Variants in ATG10 observed in about 807,000 individuals in gnomAD.
ATG10 encodes the protein autophagy related 10.
In ATG10, 30 loss-of-function variants were observed where a neutral mutation model predicts 32.1. That is an observed-to-expected ratio of 0.94 (90% CI 0.70 to 1.27). ATG10 has a LOEUF of 1.27. ATG10 is among the 50% of genes most tolerant of loss of function. The probability of loss-of-function intolerance (pLI) is 0.00; values close to 1 mark genes in which losing one functional copy is unlikely to be tolerated. For synonymous variants in ATG10, 87 were observed against 91.5 expected (o/e 0.95, Z 0.28); for missense variants, 233 against 262.3 (o/e 0.89, Z 0.77).
chr5:82,191,368 G>T (rs1369697671), intron 5 of ATG10, among the ~76,000 whole-genome samples: 2 of 152,226 alleles, frequency 1.3e-5, no homozygotes, highest in Non-Finnish European at 2.9e-5. Context: ...GTACCTGCCA[G>T]CAGGGCTGGG....
chr5:82,072,626 T>C (rs1254820021), intron 3 of ATG10, among the ~76,000 whole-genome samples: 1 of 152,162 alleles, frequency 6.6e-6, no homozygotes, highest in Non-Finnish European at 1.5e-5. Context: ...ATTCAGAATA[T>C]ACATACATGC....
intron 2 of ATG10, among the ~76,000 whole-genome samples, chr5:82,008,744 G>C (rs561389306): frequency 6.6e-6 from 1 of 152,264 alleles, no homozygotes; most frequent in Non-Finnish European, 1.5e-5. Context: ...TTTGGGTTCA[G>C]ATGGAATGGA....
At chr5:82,009,768 C>G in intron 2 of ATG10, 4 of 1,606,868 alleles carry the variant, frequency 2.5e-6, no homozygotes, top group Non-Finnish European at 3.4e-6. Context: ...AAACTGGGAG[C>G]CATTTGTGTT....
At chr5:81,998,786 CAAAG>C (rs1761743572) in intron 2 of ATG10, among the ~76,000 whole-genome samples, 2 of 151,940 alleles carry the variant, frequency 1.3e-5, no homozygotes, top group Non-Finnish European at 2.9e-5. Flanking sequence ...TAAAAAATGA[CAAAG>C]AAGGATATTA....
chr5:82,062,546 T>C (rs1763818336), intron 3 of ATG10, among the ~76,000 whole-genome samples: 1 of 152,242 alleles, frequency 6.6e-6, no homozygotes, highest in Admixed American at 6.5e-5. Context: ...CGTACAGTGC[T>C]ATTATTAATA....
chr5:82,032,998 T>C (rs1309962936), intron 2 of ATG10, among the ~76,000 whole-genome samples: 6 of 152,118 alleles, frequency 3.9e-5, no homozygotes, highest in African/African-American at 1.4e-4. Context: ...CCTGCTTTAG[T>C]GGTAACATAT....
intron 3 of ATG10, among the ~76,000 whole-genome samples, chr5:82,100,845 G>C (rs2149803296): frequency 6.8e-6 from 1 of 147,322 alleles, no homozygotes; most frequent in Non-Finnish European, 1.5e-5. Context: ...CTGTTGAAGA[G>C]GCTAATGCAT....
At chr5:82,158,153 C>T (rs370453868) in intron 3 of ATG10, among the ~76,000 whole-genome samples, 1 of 152,098 alleles carries the variant, frequency 6.6e-6, no homozygotes, top group East Asian at 1.9e-4. Context: ...TGAGAGATCA[C>T]TGTCAACTTA....
At chr5:82,174,495 G>A (rs1743933103) in intron 4 of ATG10, among the ~76,000 whole-genome samples, 1 of 152,104 alleles carries the variant, frequency 6.6e-6, no homozygotes, top group Non-Finnish European at 1.5e-5. Flanking sequence ...ACTTATTAAA[G>A]GTGAATTTGT....
chr5:82,177,669 T>C (rs914237480), intron 4 of ATG10, among the ~76,000 whole-genome samples: 2 of 152,176 alleles, frequency 1.3e-5, no homozygotes, highest in Admixed American at 1.3e-4. Flanking sequence ...TTTTCCACTT[T>C]ACTTACCTTG....
At chr5:82,118,400 A>ATATATATATATATATATATATATATATAT (rs371581160) in intron 3 of ATG10, among the ~76,000 whole-genome samples, 1,250 of 115,560 alleles carry the variant, frequency 0.011, 63 homozygotes, top group South Asian at 0.024. Context: ...ATATATATAT[A>ATATATATATATATATATATATATATATAT]TATATGTATG....
chr5:82,251,588 G>A (rs552767463), intron 5 of ATG10, among the ~76,000 whole-genome samples: 389 of 152,260 alleles, frequency 2.6e-3, no homozygotes, highest in Non-Finnish European at 4.3e-3. Context: ...AGTTTCTCAC[G>A]GGCCCCGTCA....
At chr5:82,090,408 T>TC (rs1443254537) in intron 3 of ATG10, among the ~76,000 whole-genome samples, 2 of 152,238 alleles carry the variant, frequency 1.3e-5, no homozygotes, top group African/African-American at 4.8e-5. Context: ...GCACATCTAT[T>TC]CCATTATTCT....
At chr5:81,983,911 C>A (rs1041451958) in intron 1 of ATG10, among the ~76,000 whole-genome samples, 3 of 150,884 alleles carry the variant, frequency 2.0e-5, no homozygotes, top group African/African-American at 7.3e-5. Flanking sequence ...TATGGGCGGC[C>A]GGGCAGAGAC....
chr5:82,038,846 T>C (rs1381678041), intron 2 of ATG10, among the ~76,000 whole-genome samples: 1 of 152,216 alleles, frequency 6.6e-6, no homozygotes, highest in Non-Finnish European at 1.5e-5. Flanking sequence ...ATATAAGTGA[T>C]ATTGTTTAAT....
intron 2 of ATG10, among the ~76,000 whole-genome samples, chr5:82,034,384 C>T (rs1762848404): frequency 2.6e-5 from 4 of 152,132 alleles, no homozygotes; most frequent in Admixed American, 1.3e-4. Flanking sequence ...TATTCATACT[C>T]GACCACTTTT....
intron 1 of ATG10, among the ~76,000 whole-genome samples, chr5:81,986,343 G>A (rs1391838176): frequency 1.3e-5 from 2 of 152,206 alleles, no homozygotes; most frequent in Non-Finnish European, 2.9e-5. Context: ...AGTCAGTGTC[G>A]ATTAATCTGG....
intron 3 of ATG10, among the ~76,000 whole-genome samples, chr5:82,086,029 A>C (rs983202179): frequency 2.6e-5 from 4 of 152,158 alleles, no homozygotes; most frequent in African/African-American, 9.6e-5. Flanking sequence ...TAGATGTCAA[A>C]TTTAAAGTCT....
Position 81,984,801 on chromosome 5 carries a change from AT to A in ATG10, c.-12-2753del, listed in dbSNP as rs1213602746. Among the ~76,000 whole-genome samples, 3 of 152,314 alleles carry A rather than the reference AT, an allele frequency of 2.0e-5. No homozygotes were observed. In the South Asian group the frequency reaches 6.2e-4, roughly 32 times the overall value. ...AAAATGTTGATTGAATTATATTTAC[AT>A]TTTTGAGTTGAAATATTCTTGCTTG... On this transcript the variant is annotated intron_variant, in intron 1 of 7. Transcript: ENST00000282185.
Sources: allele counts gnomAD v4.1 joint callset (sites outside exome capture counted in the v4.1 genomes callset), GRCh38; gene constraint gnomAD v4.1.1; transcripts MANE v1.5; gene names NCBI Gene and HGNC (gene_info 2026-07-23, HGNC 2026-07-21).